The following TAF1B variants were observed in gnomAD, a reference collection of about 807,000 sequenced individuals.
TAF1B encodes TATA-box binding protein associated factor, RNA polymerase I subunit B, also known as TATA box-binding protein-associated factor RNA polymerase I subunit B.
A neutral mutation model predicts 83.9 loss-of-function variants in TAF1B; 61 were observed. The ratio of observed to expected loss-of-function variants is 0.73; its 90% CI spans 0.59 to 0.90. TAF1B has a LOEUF of 0.90. Ranked by LOEUF, TAF1B falls within the 40% of genes least tolerant of loss-of-function variation. The pLI is 0.00. For missense variants in TAF1B, 625 were observed against 677.0 expected, an observed-to-expected ratio of 0.92 and a Z score of 0.85; for synonymous variants, 221 against 224.6, an observed-to-expected ratio of 0.98 and a Z score of 0.14.
At chr2:9,916,450 A>G (rs1480834792) in intron 12 of TAF1B, among the ~76,000 whole-genome samples, 1 of 152,186 alleles carries the variant, frequency 6.6e-6, no homozygotes, top group Non-Finnish European at 1.5e-5. Context: ...TATCACCCCA[A>G]GGGCATCATA....
At chr2:9,867,512 C>T (rs915789984) in intron 5 of TAF1B, among the ~76,000 whole-genome samples, 1 of 152,084 alleles carries the variant, frequency 6.6e-6, no homozygotes, top group African/African-American at 2.4e-5. Flanking sequence ...GGTTTTCTTG[C>T]TTCATTGTCT....
chr2:9,917,868 T>G lies in TAF1B; in HGVS notation c.1272-1173T>G, dbSNP rs12618415. On this transcript the variant is annotated intron_variant, in intron 12 of 14. Coordinates refer to ENST00000263663, the MANE Select transcript of TAF1B (RefSeq NM_005680.3). ...CGGGCGGATCACGAGGTCAGGAGAT[T>G]GAGACCATCCCGGCTAAAACGGTGA... Among the ~76,000 whole-genome samples the G allele has an allele frequency of 2.0e-5, 3 of 151,484 alleles. No individual in the cohort carries two copies. In the East Asian group the frequency reaches 5.9e-4, roughly 30 times the overall value.
chr2:9,873,165 C>T (rs974839060), intron 6 of TAF1B, among the ~76,000 whole-genome samples: 2 of 152,138 alleles, frequency 1.3e-5, no homozygotes, highest in Non-Finnish European at 2.9e-5. Context: ...CTACTCTGTG[C>T]TAGAGACTGT....
intron 5 of TAF1B, among the ~76,000 whole-genome samples, chr2:9,859,544 G>A (rs1057410223): frequency 2.0e-5 from 3 of 151,980 alleles, no homozygotes; most frequent in Non-Finnish European, 2.9e-5. Context: ...ATGCCACCAT[G>A]CCCAACTACT....
chr2:9,893,148 A>G (rs420122), intron 8 of TAF1B, among the ~76,000 whole-genome samples: 42,292 of 151,994 alleles, frequency 0.28, 6,830 homozygotes, highest in Middle Eastern at 0.39. Flanking sequence ...AACTAAGAGT[A>G]GTACAAAGAA....
intron 9 of TAF1B, among the ~76,000 whole-genome samples, chr2:9,906,220 G>A (rs955813361): frequency 2.0e-5 from 3 of 152,216 alleles, no homozygotes; most frequent in East Asian, 1.9e-4. Flanking sequence ...TCTATGTCAC[G>A]TGTTTATTAT....
At chr2:9,908,397 T>A (rs1665417489) in intron 9 of TAF1B, among the ~76,000 whole-genome samples, 1 of 152,186 alleles carries the variant, frequency 6.6e-6, no homozygotes, top group Non-Finnish European at 1.5e-5. Context: ...GTCATTTTTT[T>A]AGAATAATAA....
intron 7 of TAF1B, among the ~76,000 whole-genome samples, chr2:9,879,804 C>G (rs1417941888): frequency 6.6e-6 from 1 of 152,122 alleles, no homozygotes; most frequent in Non-Finnish European, 1.5e-5. Flanking sequence ...AAAATGCACC[C>G]TTTAAAAATA....
At chr2:9,862,299 C>T (rs1663797775) in intron 5 of TAF1B, among the ~76,000 whole-genome samples, 1 of 152,154 alleles carries the variant, frequency 6.6e-6, no homozygotes, top group African/African-American at 2.4e-5. Context: ...GTGAGGAATG[C>T]ACAGTCCTCA....
intron 6 of TAF1B, among the ~76,000 whole-genome samples, chr2:9,874,427 C>T (rs975462377): frequency 2.0e-5 from 3 of 152,042 alleles, no homozygotes; most frequent in African/African-American, 7.2e-5. Flanking sequence ...TGTAGCATCA[C>T]TATCTGTCAA....
intron 8 of TAF1B, among the ~76,000 whole-genome samples, chr2:9,901,517 C>T (rs1222373164): frequency 1.3e-5 from 2 of 152,080 alleles, no homozygotes; most frequent in Non-Finnish European, 2.9e-5. Context: ...CTTACACATA[C>T]TTGTCATGAA....
At chr2:9,887,043 A>C (rs1664696324) in intron 8 of TAF1B, among the ~76,000 whole-genome samples, 1 of 151,556 alleles carries the variant, frequency 6.6e-6, no homozygotes, top group African/African-American at 2.4e-5. Flanking sequence ...CCAGCCAGGC[A>C]ACAGAGTGAG....
chr2:9,884,330 T>C (rs747268607), intron 8 of TAF1B, among the ~76,000 whole-genome samples: 10 of 152,244 alleles, frequency 6.6e-5, no homozygotes, highest in Non-Finnish European at 1.0e-4. Flanking sequence ...ACCGCAGCTC[T>C]TCTTTCCTTC....
chr2:9,875,900 G>C lies in TAF1B; in HGVS notation c.589G>C (p.Glu197Gln). The change falls in exon 7 of 15, where the codon GAA becomes CAA. Residue 197 changes from glutamate (E) to glutamine (Q), a missense_variant. Coordinates refer to ENST00000263663, the MANE Select transcript of TAF1B (RefSeq NM_005680.3). ...SVCSGSLDGV[E>Q]YSQRKEKGIV... ...CTGCTCTGGATCTCTGGATGGAGTT[G>C]AATACTCACAACGAAAGGAGAAGGG... 1 of 1,611,874 alleles carries C rather than the reference G, an allele frequency of 6.2e-7. No homozygotes were observed.
chr2:9,893,548 A>T (rs1240336795), intron 8 of TAF1B, among the ~76,000 whole-genome samples: 2 of 152,156 alleles, frequency 1.3e-5, no homozygotes, highest in Non-Finnish European at 2.9e-5. Flanking sequence ...CTCAGGCTAG[A>T]CGTGGTGGCT....
At chr2:9,869,186 C>T (rs1175810915) in intron 6 of TAF1B, among the ~76,000 whole-genome samples, 2 of 151,978 alleles carry the variant, frequency 1.3e-5, no homozygotes, top group African/African-American at 4.8e-5. Context: ...GTTTTGTTTA[C>T]CTATGTGTAA....
At chr2:9,852,896 G>A (rs575904307) in intron 4 of TAF1B, among the ~76,000 whole-genome samples, 2 of 152,356 alleles carry the variant, frequency 1.3e-5, no homozygotes, top group Admixed American at 1.3e-4. Flanking sequence ...CAAACTGGTG[G>A]TTGGGGCAAG....
At chr2:9,893,725 C>T (rs779580184) in intron 8 of TAF1B, among the ~76,000 whole-genome samples, 17 of 152,086 alleles carry the variant, frequency 1.1e-4, no homozygotes, top group Non-Finnish European at 2.1e-4. Flanking sequence ...AGGCAAAGCT[C>T]AGAAAACTAC....
chr2:9,919,513 G>A (rs1665800879), intron 13 of TAF1B, 85 bp from the exon 14 acceptor site: 5 of 1,204,316 alleles, frequency 4.2e-6, no homozygotes, highest in Middle Eastern at 2.1e-4. Flanking sequence ...ACCAATATTG[G>A]TACATTCCTA....
Sources: allele counts gnomAD v4.1 joint callset (sites outside exome capture counted in the v4.1 genomes callset), GRCh38; gene constraint gnomAD v4.1.1; transcripts MANE v1.5; gene names NCBI Gene and HGNC (gene_info 2026-07-23, HGNC 2026-07-21).